IGFBP2: variants seen among roughly 807,000 people sequenced by gnomAD.
The protein encoded by IGFBP2 is insulin-like growth factor-binding protein 2.
Under a neutral mutation model 26.2 loss-of-function variants are expected in IGFBP2, and 12 were observed. That is an observed-to-expected ratio of 0.46 (90% CI 0.29 to 0.74). IGFBP2 has a LOEUF of 0.74. Ranked by LOEUF, IGFBP2 falls within the 30% of genes least tolerant of loss-of-function variation. IGFBP2 has a pLI of 0.09. For missense variants in IGFBP2, 328 were observed against 441.2 expected (o/e 0.74, Z 2.30); for synonymous variants, 189 against 200.6 (o/e 0.94, Z 0.49).
intron 2 of IGFBP2, chr2:216,661,599 T>G: frequency 1.8e-6 from 1 of 558,320 alleles, no homozygotes; most frequent in Non-Finnish European, 3.3e-6. Context: ...TTCTGACACA[T>G]GAAAGCCACG....
chr2:216,664,359 T>C lies in IGFBP2; in HGVS notation c.*255T>C. The C allele has an allele frequency of 2.7e-6, 1 of 373,314 alleles. No homozygotes were observed. 23.1% of individuals were successfully genotyped at this position (373,314 alleles called of 1,614,324 possible). On this transcript the variant is annotated 3_prime_UTR_variant, in exon 4 of 4. Coordinates refer to ENST00000233809, the MANE Select transcript of IGFBP2 (RefSeq NM_000597.3). The surrounding 1 kb of genome is among the most constrained non-coding windows in gnomAD (Gnocchi z 4.6). ...GTGGTCGGGGAGCTGGGGTACAGGTTTGGGGAGGGGGAAGAGAAATTTTTA... is the reference window on the plus strand; with the variant it reads ...GTGGTCGGGGAGCTGGGGTACAGGTCTGGGGAGGGGGAAGAGAAATTTTTA...
intron 1 of IGFBP2, among the ~76,000 whole-genome samples, chr2:216,651,233 C>T (rs1235108179): frequency 6.6e-6 from 1 of 152,180 alleles, no homozygotes; most frequent in Non-Finnish European, 1.5e-5. Flanking sequence ...TTCTGCCTCC[C>T]TCCCTCCCAC....
At chr2:216,643,648 AACC>A (rs1697655963) in intron 1 of IGFBP2, among the ~76,000 whole-genome samples, 1 of 151,804 alleles carries the variant, frequency 6.6e-6, no homozygotes, top group African/African-American at 2.4e-5. Flanking sequence ...CACTAACACT[AACC>A]ATAGCTGATG....
intron 1 of IGFBP2, among the ~76,000 whole-genome samples, chr2:216,640,851 A>G (rs1036536174): frequency 1.3e-5 from 2 of 152,230 alleles, no homozygotes; most frequent in Admixed American, 6.5e-5. Flanking sequence ...CCTTGACTCC[A>G]TGGACAGTTA....
chr2:216,661,736 G>A (rs1386151317), intron 2 of IGFBP2, 122 bp from the exon 3 acceptor site: 1 of 1,147,910 alleles, frequency 8.7e-7, no homozygotes, highest in East Asian at 2.5e-5. Flanking sequence ...CCCCCTGCTG[G>A]CTGTGTGACC....
intron 1 of IGFBP2, among the ~76,000 whole-genome samples, chr2:216,651,123 T>C (rs1369887678): frequency 1.3e-5 from 2 of 152,104 alleles, no homozygotes; most frequent in Non-Finnish European, 1.5e-5. Context: ...GGAAGACACA[T>C]AAACAGTGTC....
intron 1 of IGFBP2, among the ~76,000 whole-genome samples, chr2:216,658,526 TTTTATTTATTTA>T (rs143672936): frequency 0.048 from 7,018 of 146,354 alleles, 407 homozygotes; most frequent in African/African-American, 0.14. Flanking sequence ...CCAGGTCGTC[TTTTATTTATTTA>T]TTTATTTATT....
chr2:216,652,357 G>A (rs1024344714), intron 1 of IGFBP2, among the ~76,000 whole-genome samples: 1 of 152,090 alleles, frequency 6.6e-6, no homozygotes, highest in Non-Finnish European at 1.5e-5. Context: ...TGTATTTTTA[G>A]TAGAGACGGT....
intron 1 of IGFBP2, among the ~76,000 whole-genome samples, chr2:216,640,352 T>C (rs1028255575): frequency 9.2e-5 from 14 of 152,190 alleles, no homozygotes; most frequent in Admixed American, 3.9e-4. Flanking sequence ...GAGTTAGCAC[T>C]AGCGCTGCTT....
At chr2:216,654,003 G>A (rs958652470) in intron 1 of IGFBP2, among the ~76,000 whole-genome samples, 4 of 152,072 alleles carry the variant, frequency 2.6e-5, no homozygotes, top group African/African-American at 9.7e-5. Flanking sequence ...AGTGACCTTT[G>A]CACCATAGCC....
chr2:216,633,551 C>T lies in IGFBP2; in HGVS notation c.28C>T (p.Leu10=). The part of the protein sequence containing the change: MLPRVGCPA[L]PLPPPPLLPL... ...GCTGCCGAGAGTGGGCTGCCCCGCGCTGCCGCTGCCGCCGCCGCCGCTGCT... is the reference window on the plus strand; with the variant it reads ...GCTGCCGAGAGTGGGCTGCCCCGCGTTGCCGCTGCCGCCGCCGCCGCTGCT... The change falls in exon 1 of 4, where the codon CTG becomes TTG. Residue 10 remains leucine (L), a synonymous_variant. Coordinates refer to ENST00000233809, the MANE Select transcript of IGFBP2 (RefSeq NM_000597.3). The T allele has an allele frequency of 5.2e-6, 5 of 962,412 alleles. No homozygotes were observed. The highest frequency in any genetic ancestry group is 6.1e-6 in the Non-Finnish European group (5 of 817,134). 59.6% of individuals were successfully genotyped at this position (962,412 alleles called of 1,614,324 possible). A position where few individuals can be genotyped will look rare whatever the true frequency, so the allele number is the denominator to read the frequency against.
At chr2:216,635,848 C>T (rs1023280584) in intron 1 of IGFBP2, among the ~76,000 whole-genome samples, 1 of 152,118 alleles carries the variant, frequency 6.6e-6, no homozygotes, top group Non-Finnish European at 1.5e-5. Flanking sequence ...ATGGGACTCC[C>T]TTCCGCCAGC....
At chr2:216,636,229 C>G (rs1050027561) in intron 1 of IGFBP2, among the ~76,000 whole-genome samples, 4 of 152,116 alleles carry the variant, frequency 2.6e-5, no homozygotes, top group Non-Finnish European at 5.9e-5. Flanking sequence ...CCTCTGCCTC[C>G]CACTCCATCT....
intron 3 of IGFBP2, chr2:216,663,423 G>C (rs1688697774): frequency 6.6e-6 from 1 of 152,474 alleles, no homozygotes; most frequent in African/African-American, 2.4e-5. Flanking sequence ...TTTATCATCT[G>C]TAAACCAGGG....
chr2:216,659,503 G>A (rs996353022), intron 1 of IGFBP2: 14 of 575,406 alleles, frequency 2.4e-5, no homozygotes, highest in East Asian at 8.9e-5. Context: ...GGGGCTCGGC[G>A]GTGTGAGGCC....
rs577974776 is a variant in IGFBP2 at position 216,655,558 on chromosome 2, C to G, written c.443-4999C>G. On this transcript the variant is annotated intron_variant, in intron 1 of 3. Transcript: ENST00000233809. Reference sequence around the variant, plus strand: ...ACTGTGAGTCAATTAAAGCTCTTTCCTTTATAAATTACCCAGTCTCAGGCA... The same window carrying G: ...ACTGTGAGTCAATTAAAGCTCTTTCGTTTATAAATTACCCAGTCTCAGGCA... 3.3e-5 allele frequency among the ~76,000 whole-genome samples: 5 copies of G among 152,280 alleles called. No homozygotes were observed. The East Asian group carries it at 9.6e-4, about 29-fold the overall frequency.
intron 1 of IGFBP2, among the ~76,000 whole-genome samples, chr2:216,647,809 T>A (rs140014895): frequency 2.0e-5 from 3 of 152,168 alleles, no homozygotes; most frequent in Non-Finnish European, 4.4e-5. Flanking sequence ...GGTGAGCCAC[T>A]GCGCCCGGCC....
chr2:216,641,796 TCTC>T (rs1250623949), intron 1 of IGFBP2, among the ~76,000 whole-genome samples: 2 of 150,074 alleles, frequency 1.3e-5, no homozygotes, highest in Admixed American at 6.7e-5. Flanking sequence ...TTCACGCCAT[TCTC>T]CTGCCTCAGC....
rs1184318781 is a variant in IGFBP2, at chr2:216,633,469, T to TGCCC, written c.-44_-41dup. The stretch of plus-strand genomic sequence containing the variant: ...CCCGCGCTCGCAGGGCCGTGCCACC[T>TGCCC]GCCCGCCCGCCCGCTCGCTCGCTCG... On this transcript the variant is annotated 5_prime_UTR_variant, in exon 1 of 4. Coordinates refer to ENST00000233809, the MANE Select transcript of IGFBP2 (RefSeq NM_000597.3). 114 of 408,156 alleles carry TGCCC rather than the reference T, an allele frequency of 2.8e-4. 1 individual carries two copies. Among genetic ancestry groups the TGCCC allele is most frequent in the Admixed American group, 3.8e-4 (6 of 15,778 alleles). The allele number at this position is 408,156 out of a possible 1,614,324, so 25.3% of individuals were successfully genotyped here.
Sources: gnomAD v4.1 joint callset for allele counts (sites outside exome capture counted in the v4.1 genomes callset) on GRCh38, gnomAD v4.1.1 for gene constraint, Gnocchi (gnomAD v3.1) non-coding constraint, MANE v1.5 for transcripts, NCBI Gene and HGNC (gene_info 2026-07-23, HGNC 2026-07-21) for gene names.